Variants in DMD observed in about 807,000 individuals in gnomAD.
DMD encodes dystrophin.
Under a neutral mutation model 330.1 loss-of-function variants are expected in DMD, and 63 were observed. The ratio of observed to expected loss-of-function variants is 0.19; its 90% confidence interval spans 0.16 to 0.24. The LOEUF (loss-of-function observed/expected upper bound fraction) is 0.24. Ranked by LOEUF, DMD falls within the 10% of genes least tolerant of loss-of-function variation. The pLI is 1.00. For synonymous variants in DMD, 1,223 were observed against 959.8 expected (o/e 1.27, Z -5.07); for missense variants, 3,344 against 2,684.1 (o/e 1.25, Z -5.43).
At chrX:32,412,199 A>C (rs1373480082) in intron 29 of DMD, 18 of 1,066,880 alleles carry the variant, frequency 1.7e-5, no homozygotes, top group Non-Finnish European at 2.1e-5. Flanking sequence ...TAGCAAAATC[A>C]TCTCAGTCAT....
intron 1 of DMD, among the ~76,000 whole-genome samples, chrX:33,259,934 C>T (rs144597709): frequency 9.0e-6 from 1 of 110,707 alleles, no homozygotes; most frequent in African/African-American, 3.3e-5. Flanking sequence ...ATTCTATTGG[C>T]TGCATGTACC....
At chrX:32,517,983 A>C in intron 18 of DMD, 25 bp downstream of exon 18, 1 of 1,207,105 alleles carries the variant, frequency 8.3e-7, no homozygotes, top group Non-Finnish European at 1.1e-6. Context: ...ATGAGTACAG[A>C]TATAAAAATT....
At chrX:33,064,824 G>A (rs991594179) in intron 1 of DMD, among the ~76,000 whole-genome samples, 2 of 111,210 alleles carry the variant, frequency 1.8e-5, no homozygotes, top group African/African-American at 6.6e-5. Flanking sequence ...CAGAGGCGGA[G>A]GTTGCAGTGA....
rs148467750 is a variant in DMD at position 32,434,281 on chromosome X, G to A, written c.4071+3960C>T. Among the ~76,000 whole-genome samples, 608 of 111,696 alleles carry A rather than the reference G, an allele frequency of 5.4e-3. 12 individuals carry two copies. Among genetic ancestry groups the A allele is most frequent in the East Asian group, 0.037 (132 of 3,546 alleles). ...TTAAGGCTCATCTTCAAATTAAAAG[G>A]CACTTTGTTTATTAATAGCAAATCT... On this transcript the variant is annotated intron_variant, in intron 29 of 78. Transcript: ENST00000357033.
chrX:32,554,318 T>C (rs898117282), intron 16 of DMD, among the ~76,000 whole-genome samples: 2 of 109,951 alleles, frequency 1.8e-5, no homozygotes, highest in Non-Finnish European at 3.8e-5. Context: ...ACTAAATGAA[T>C]CCAGGAGCTG....
At chrX:31,474,182 AATAATGCC>A (rs1411415294) in intron 59 of DMD, among the ~76,000 whole-genome samples, 2 of 111,990 alleles carry the variant, frequency 1.8e-5, no homozygotes, top group Non-Finnish European at 3.8e-5. Flanking sequence ...ATCAGCTAGC[AATAATGCC>A]ATTTCCATAA....
intron 47 of DMD, among the ~76,000 whole-genome samples, chrX:31,925,377 G>C (rs2075058016): frequency 9.1e-6 from 1 of 110,457 alleles, no homozygotes; most frequent in Admixed American, 9.7e-5. Flanking sequence ...AGCATATTTT[G>C]GTTTTAAATA....
chrX:31,203,882 A>C (rs762830134), intron 67 of DMD, 79 bp downstream of exon 67: 1 of 957,497 alleles, frequency 1.0e-6, no homozygotes, highest in Non-Finnish European at 1.5e-6. Context: ...AATATGAGAA[A>C]ACGAAGCTCT....
intron 34 of DMD, among the ~76,000 whole-genome samples, chrX:32,368,642 T>C (rs1223265255): frequency 9.0e-6 from 1 of 111,705 alleles, no homozygotes; most frequent in African/African-American, 3.3e-5. Flanking sequence ...GCCTTGGCCA[T>C]TGTCTTTATA....
intron 34 of DMD, among the ~76,000 whole-genome samples, chrX:32,367,217 T>C (rs1603631812): frequency 8.9e-6 from 1 of 111,847 alleles, no homozygotes; most frequent in Non-Finnish European, 1.9e-5. Context: ...TTTTGTAGTA[T>C]ACAACCTCTA....
chrX:32,957,658 C>A (rs371368743), intron 2 of DMD, among the ~76,000 whole-genome samples: 1 of 111,009 alleles, frequency 9.0e-6, no homozygotes, highest in East Asian at 2.8e-4. Context: ...GATTTAAGGG[C>A]GTAGGGATAG....
chrX:31,551,180 G>GAAAAAAAA (rs202051079), intron 55 of DMD, among the ~76,000 whole-genome samples: 3,702 of 66,777 alleles, frequency 0.055, 120 homozygotes, highest in African/African-American at 0.12. Context: ...CTCCATCTCG[G>GAAAAAAAA]GAAAAAAAAA....
intron 59 of DMD, among the ~76,000 whole-genome samples, chrX:31,476,783 G>A (rs1377575928): frequency 3.6e-5 from 4 of 111,217 alleles, no homozygotes; most frequent in Non-Finnish European, 5.7e-5. Context: ...ACACAGAGGG[G>A]TGAATGGGAT....
chrX:32,252,423 T>C (rs968013525), intron 43 of DMD, among the ~76,000 whole-genome samples: 5 of 106,524 alleles, frequency 4.7e-5, no homozygotes, highest in Admixed American at 1.1e-4. Context: ...AAATACATTT[T>C]CCCCCACTAA....
chrX:32,167,766 A>G (rs1358675500), intron 44 of DMD, among the ~76,000 whole-genome samples: 2 of 111,910 alleles, frequency 1.8e-5, no homozygotes, highest in Non-Finnish European at 3.8e-5. Context: ...CTATCCATCT[A>G]TGATGTTTTC....
chrX:31,788,884 C>T (rs965876796), intron 50 of DMD, among the ~76,000 whole-genome samples: 1 of 110,465 alleles, frequency 9.1e-6, no homozygotes, highest in African/African-American at 3.3e-5. Context: ...AGAAGTATGG[C>T]TATCCCCATT....
At chrX:32,230,943 T>C (rs1348272706) in intron 43 of DMD, among the ~76,000 whole-genome samples, 1 of 112,370 alleles carries the variant, frequency 8.9e-6, no homozygotes, top group Non-Finnish European at 1.9e-5. Context: ...TACACATATA[T>C]GAATATTTTC....
intron 1 of DMD, among the ~76,000 whole-genome samples, chrX:33,176,559 A>AGTGT (rs67497965): frequency 0.061 from 6,255 of 102,577 alleles, 156 homozygotes; most frequent in African/African-American, 0.078. Context: ...CAAGCACAGA[A>AGTGT]GTGTGTGTGT....
At chrX:32,463,309 C>A in intron 25 of DMD, 130 bp downstream of exon 25, 1 of 489,802 alleles carries the variant, frequency 2.0e-6, no homozygotes, top group Non-Finnish European at 3.1e-6. Flanking sequence ...ATTAATTTGT[C>A]AGAATTAATT....
Sources: allele counts gnomAD v4.1 joint callset (sites outside exome capture counted in the v4.1 genomes callset), GRCh38; gene constraint gnomAD v4.1.1; transcripts MANE v1.5; gene names NCBI Gene and HGNC (gene_info 2026-07-23, HGNC 2026-07-21).